The following NOS3 variants were observed in gnomAD, a reference collection of about 807,000 sequenced individuals.
NOS3 encodes NOS type III.
Under a neutral mutation model 144.9 loss-of-function variants are expected in NOS3, and 98 were observed. That is an observed-to-expected ratio of 0.68 (90% confidence interval 0.57 to 0.80). The LOEUF (loss-of-function observed/expected upper bound fraction) is 0.80, where lower values mean the gene tolerates loss of function less well. NOS3 is among the 30% of genes least tolerant of loss of function. The probability of loss-of-function intolerance (pLI) is 0.00; values close to 1 mark genes in which losing one functional copy is unlikely to be tolerated. For missense variants in NOS3, 1,465 were observed against 1,656.4 expected (o/e 0.88, Z 2.01); for synonymous variants, 714 against 702.4 (o/e 1.02, Z -0.26).
Position 151,001,854 on chromosome 7 carries a change from G to C in NOS3, c.1536G>C (p.Thr512=). 1.9e-6 allele frequency: 3 copies of C among 1,613,574 alleles called. No individual in the cohort carries two copies. The highest frequency in any genetic ancestry group is 2.5e-6 in the Non-Finnish European group (3 of 1,179,990). ...AVKISASLMG[T]VMAKRVKATI... is the part of the protein sequence containing the mutation. The stretch of plus-strand genomic sequence containing the variant: ...AGATCTCCGCCTCGCTCATGGGCAC[G>C]GTGATGGCGAAGCGAGTGAAGGCGA... The change falls in exon 13 of 27, where the codon ACG becomes ACC. Residue 512 remains threonine (T), a synonymous_variant. Transcript: ENST00000297494.
rs765451188 is a variant in NOS3 at position 150,998,909 on chromosome 7, C to T, written c.817-37C>T. 2.0e-5 allele frequency: 32 copies of T among 1,590,676 alleles called. No homozygotes were observed. The highest frequency in any genetic ancestry group is 2.6e-5 in the Non-Finnish European group (30 of 1,169,880). ...AGGGGTCCCTGAGGAGGGCATGAGGCTCAGCCCCAGAACCCCCTCTGGCCC... is the reference window on the plus strand; with the variant it reads ...AGGGGTCCCTGAGGAGGGCATGAGGTTCAGCCCCAGAACCCCCTCTGGCCC... On this transcript the variant is annotated intron_variant, in intron 7 of 26. Coordinates refer to ENST00000297494, the MANE Select transcript of NOS3 (RefSeq NM_000603.5). The surrounding 1 kb of genome is among the most constrained non-coding windows in gnomAD (Gnocchi z 5.0).
chr7:151,000,348 C>G, intron 9 of NOS3, 150 bp from the exon 10 acceptor site: 1 of 618,992 alleles, frequency 1.6e-6, no homozygotes, highest in Non-Finnish European at 2.9e-6. Flanking sequence ...CAGGCAAAAA[C>G]CTGAACCAGC....
In NOS3 at chr7:151,012,486, C is replaced by T. The variant is rs1266135893; in HGVS notation, c.3106+14C>T. On this transcript the variant is annotated intron_variant, in intron 24 of 26. Coordinates refer to ENST00000297494, the MANE Select transcript of NOS3 (RefSeq NM_000603.5). ...TTGAGAGCAAAGGTGAGGCTGGGGA[C>T]TAAAGGACTGCCTGAAGGGAGTCAC... 1 of 1,609,010 alleles carries T rather than the reference C, an allele frequency of 6.2e-7. No individual in the cohort carries two copies. The highest frequency in any genetic ancestry group is 8.5e-7 in the Non-Finnish European group (1 of 1,177,140).
At chr7:151,001,746 A>AG in intron 12 of NOS3, 75 bp from the exon 13 acceptor site, 1 of 1,595,158 alleles carries the variant, frequency 6.3e-7, no homozygotes, top group Non-Finnish European at 8.6e-7. Flanking sequence ...CCCTGTTGTG[A>AG]GGGGGTTGGA....
chr7:150,999,583 T>G (rs1795028508), intron 9 of NOS3, among the ~76,000 whole-genome samples: 1 of 149,286 alleles, frequency 6.7e-6, no homozygotes, highest in Admixed American at 6.6e-5. Flanking sequence ...TGTGAGAGTG[T>G]GGGTTTCTGG....
rs189463742 is a variant in NOS3 at position 150,993,411 on chromosome 7, G to A, written c.-51-342G>A. Among the ~76,000 whole-genome samples the A allele has an allele frequency of 1.3e-5, 2 of 152,178 alleles. No individual in the cohort carries two copies. The highest frequency in any genetic ancestry group is 2.9e-5 in the Non-Finnish European group (2 of 68,012). On this transcript the variant is annotated intron_variant, in intron 1 of 26. Transcript: ENST00000297494. This position sits in a 1 kb window ranked among gnomAD's most constrained non-coding sequence, Gnocchi z 4.0. ...ACCCTCCAGGGAAAGGCACACAGGG[G>A]TGAGGCCGAAGGCCCTTCCGTCTGG... is the stretch of plus-strand genomic sequence containing the variant.
Position 150,999,297 on chromosome 7 carries a change from G to T in NOS3, c.1064G>T (p.Gly355Val). 1.2e-6 allele frequency: 2 copies of T among 1,611,608 alleles called. No individual in the cohort carries two copies. Among genetic ancestry groups the T allele is most frequent in the Non-Finnish European group, 1.7e-6 (2 of 1,179,460 alleles). Residue 355 changes from glycine (G) to valine (V), a missense_variant, in exon 9 of 27, where the codon GGC becomes GTC. By Grantham distance (109) the Gly-to-Val change is moderately radical. Around this residue, in one of 5 missense-constraint regions of NOS3, gnomAD observed 745 missense variants for 853.9 expected, o/e 0.87. Coordinates refer to ENST00000297494, the MANE Select transcript of NOS3 (RefSeq NM_000603.5). ...GLEFPAAPFS[G>V]WYMSTEIGTR... ...GAGTTCCCCGCAGCCCCCTTCAGTG[G>T]CTGGTACATGAGCACTGAGATCGGC...
In NOS3 at chr7:150,993,925, C is replaced by A. The variant is rs867562196; in HGVS notation, c.122C>A (p.Ala41Asp). Reference protein sequence around the residue: ...PATPAPEPSRAPASLLPPAPE... With the variant: ...PATPAPEPSRDPASLLPPAPE... ...ACCCCGGCCCCTGAGCCCAGCCGGG[C>A]CCCAGCATCCCTACTCCCACCAGCG... Residue 41 changes from alanine (A) to aspartate (D), a missense_variant, in exon 2 of 27, where the codon GCC (alanine) becomes GAC (aspartate). By Grantham distance (126) the Ala-to-Asp change is moderately radical. This residue lies in a region of NOS3 where 374 missense variants were observed against 377.0 expected (regional missense o/e 0.99). Coordinates refer to ENST00000297494, the MANE Select transcript of NOS3 (RefSeq NM_000603.5). The surrounding 1 kb of genome is among the most constrained non-coding windows in gnomAD (Gnocchi z 4.0). 1.3e-6 allele frequency: 2 copies of A among 1,578,020 alleles called. No homozygotes were observed. Among genetic ancestry groups the A allele is most frequent in the Admixed American group, 1.8e-5 (1 of 55,000 alleles).
chr7:150,996,452 C>T lies in NOS3; in HGVS notation c.319C>T (p.Arg107Trp), dbSNP rs767525655. The change falls in exon 4 of 27, where the codon CGG (arginine) becomes TGG (tryptophan). Residue 107 changes from arginine to tryptophan, a missense_variant. Coordinates refer to ENST00000297494, the MANE Select transcript of NOS3 (RefSeq NM_000603.5). The part of the protein sequence containing the change: ...RRCLGSLVFP[R>W]KLQGRPSPGP... Reference sequence around the variant, plus strand: ...CTGCCTGGGCTCCCTGGTATTTCCACGGAAACTACAGGGCCGGCCCTCCCC... The same window carrying T: ...CTGCCTGGGCTCCCTGGTATTTCCATGGAAACTACAGGGCCGGCCCTCCCC... The T allele has an allele frequency of 2.0e-5, 31 of 1,572,898 alleles. No individual in the cohort carries two copies. In the Admixed American group the frequency reaches 2.8e-4, roughly 14 times the overall value.
In NOS3 at chr7:150,995,310, A is replaced by T. The variant is rs375304782; in HGVS notation, c.266A>T (p.Gln89Leu). 6.2e-7 allele frequency: 1 copy of T among 1,607,994 alleles called. No individual in the cohort carries two copies. Among genetic ancestry groups the T allele is most frequent in the South Asian group, 1.1e-5 (1 of 90,912 alleles). ...TATGACACCCTCAGCGCCCAGGCGC[A>T]GCAGGTAAGGCCGGCATGCCCTGTC... ...ITYDTLSAQA[Q>L]QDGPCTPRRC... The change falls in exon 3 of 27, where the codon CAG becomes CTG. Residue 89 changes from glutamine to leucine, a missense_variant. Gln to Leu is a moderately radical substitution (Grantham distance 113). This residue lies in a region of NOS3 where 374 missense variants were observed against 377.0 expected (regional missense o/e 0.99). Transcript: ENST00000297494.
At position 151,003,893 on chromosome 7, in the gene NOS3, G is replaced by C; in HGVS notation, c.1752+1589G>C. 1 of 366,228 alleles carries C rather than the reference G, an allele frequency of 2.7e-6. No homozygotes were observed. Among genetic ancestry groups the C allele is most frequent in the South Asian group, 2.0e-5 (1 of 49,380 alleles). 22.7% of individuals were successfully genotyped at this position (366,228 alleles called of 1,614,324 possible). ...GTTGGTGACACTTGGGCTGTTTCCA[G>C]GTCGGGGCTATTATGAATAAACCTG... is the stretch of plus-strand genomic sequence containing the variant. On this transcript the variant is annotated intron_variant, in intron 14 of 26. Coordinates refer to ENST00000297494, the MANE Select transcript of NOS3 (RefSeq NM_000603.5). The surrounding 1 kb of genome is among the most constrained non-coding windows in gnomAD (Gnocchi z 4.1).
rs767503551 is a variant in NOS3 at position 150,996,750 on chromosome 7, CT to C, written c.420-12del. ...CTTCCTGCTTGTCCCCTTCCCACCC[CT>C]CTCCTCCCCAGGAGCGGCTCCCAGG... On this transcript the variant is annotated splice_polypyrimidine_tract_variant and intron_variant, in intron 4 of 26. Transcript: ENST00000297494. 47 of 1,611,164 alleles carry C rather than the reference CT, an allele frequency of 2.9e-5. No individual in the cohort carries two copies. Among genetic ancestry groups the C allele is most frequent in the Non-Finnish European group, 3.6e-5 (43 of 1,179,450 alleles).
In NOS3 at chr7:151,002,099, C is replaced by A; in HGVS notation, c.1648-101C>A. ...CCCGGAACCACAGGTGTTCAGAGAT[C>A]AAGTTGGGGCCTGAATCTTGCACTG... On this transcript the variant is annotated intron_variant, in intron 13 of 26. Transcript: ENST00000297494. This position sits in a 1 kb window ranked among gnomAD's most constrained non-coding sequence, Gnocchi z 4.1. 1.4e-6 allele frequency: 2 copies of A among 1,415,320 alleles called. No individual in the cohort carries two copies. The highest frequency in any genetic ancestry group is 1.4e-5 in the African/African-American group (1 of 70,364). 87.7% of individuals were successfully genotyped at this position (1,415,320 alleles called of 1,614,324 possible). A position where few individuals can be genotyped will look rare whatever the true frequency, so the allele number is the denominator to read the frequency against.
At position 151,013,946 on chromosome 7, in the gene NOS3, G is replaced by A. The variant is rs200886969; in HGVS notation, c.3450+28G>A. 5.6e-6 allele frequency: 9 copies of A among 1,601,772 alleles called. No individual in the cohort carries two copies. In the East Asian group the frequency reaches 6.8e-5, roughly 12 times the overall value. On this transcript the variant is annotated intron_variant, in intron 26 of 26. Transcript: ENST00000297494. ...GCGGAGGGGCGGGCCGGGCCTGAGC[G>A]TGCGGGGTTCCTGCTAAGGTCTCCG...
Position 150,993,834 on chromosome 7 carries a change from C to T in NOS3, c.31C>T (p.Pro11Ser), listed in dbSNP as rs141170595. The change falls in exon 2 of 27, where the codon CCT (proline) becomes TCT (serine). Residue 11 changes from proline to serine, a missense_variant. Coordinates refer to ENST00000297494, the MANE Select transcript of NOS3 (RefSeq NM_000603.5). This position sits in a 1 kb window ranked among gnomAD's most constrained non-coding sequence, Gnocchi z 4.0. The stretch of plus-strand genomic sequence containing the variant: ...CAACTTGAAGAGCGTGGCCCAGGAG[C>T]CTGGGCCACCCTGCGGCCTGGGGCT... MGNLKSVAQE[P>S]GPPCGLGLGL... The T allele has an allele frequency of 3.1e-6, 5 of 1,600,248 alleles. No homozygotes were observed. Among genetic ancestry groups the T allele is most frequent in the African/African-American group, 2.7e-5 (2 of 73,872 alleles).
In NOS3 at chr7:150,998,645, G is replaced by C; in HGVS notation, c.781G>C (p.Val261Leu). The part of the protein sequence containing the change: ...YAGYRQQDGS[V>L]RGDPANVEIT... Reference sequence around the variant, plus strand: ...GGGCTACCGGCAGCAGGATGGCTCTGTGCGGGGGGACCCAGCCAACGTGGA... The same window carrying C: ...GGGCTACCGGCAGCAGGATGGCTCTCTGCGGGGGGACCCAGCCAACGTGGA... The change falls in exon 7 of 27, where the codon GTG becomes CTG. Residue 261 changes from valine to leucine, a missense_variant. Physicochemically the swap from Val to Leu is conservative, Grantham distance 32 (BLOSUM62 1). Transcript: ENST00000297494. The surrounding 1 kb of genome is among the most constrained non-coding windows in gnomAD (Gnocchi z 5.0). The C allele has an allele frequency of 6.2e-7, 1 of 1,608,420 alleles. No individual in the cohort carries two copies. Among genetic ancestry groups the C allele is most frequent in the Non-Finnish European group, 8.5e-7 (1 of 1,178,738 alleles).
intron 8 of NOS3, 33 bp from the exon 9 acceptor site, chr7:150,999,157 G>A (rs760841080): frequency 5.6e-6 from 9 of 1,610,582 alleles, no homozygotes; most frequent in African/African-American, 5.3e-5. Flanking sequence ...GGGCCTGCAA[G>A]GGGGTGCTGA....
Position 151,009,456 on chromosome 7 carries a change from C to T in NOS3, c.2383C>T (p.Pro795Ser). ...AGGCCAGGAGGGGCTGCAGTACCAGCCGGGGGACCACATAGGTGTCTGCCC... is the reference window on the plus strand; with the variant it reads ...AGGCCAGGAGGGGCTGCAGTACCAGTCGGGGGACCACATAGGTGTCTGCCC... ...TGGQEGLQYQ[P>S]GDHIGVCPPN... The change falls in exon 20 of 27, where the codon CCG (proline) becomes TCG (serine). Residue 795 changes from proline (P) to serine (S), a missense_variant. Pro to Ser is a moderately conservative substitution (Grantham distance 74). This residue lies in a region of NOS3 where 745 missense variants were observed against 853.9 expected (regional missense o/e 0.87). Coordinates refer to ENST00000297494, the MANE Select transcript of NOS3 (RefSeq NM_000603.5). 6.5e-7 allele frequency: 1 copy of T among 1,549,036 alleles called. No individual in the cohort carries two copies. The highest frequency in any genetic ancestry group is 8.7e-7 in the Non-Finnish European group (1 of 1,146,728).
rs33958766 is a variant in NOS3 at position 151,002,453 on chromosome 7, C to CAT, written c.1752+149_1752+150insAT. Reference sequence around the variant, plus strand: ...ACACACACACACACACACACACACACGCCAGGATGGAAAGGGAGATGCTAA... The same window carrying CAT: ...ACACACACACACACACACACACACACATGCCAGGATGGAAAGGGAGATGCTAA... On this transcript the variant is annotated intron_variant, in intron 14 of 26. Coordinates refer to ENST00000297494, the MANE Select transcript of NOS3 (RefSeq NM_000603.5). This position sits in a 1 kb window ranked among gnomAD's most constrained non-coding sequence, Gnocchi z 4.1. 6.3e-5 allele frequency: 31 copies of CAT among 495,148 alleles called. No homozygotes were observed. Among genetic ancestry groups the CAT allele is most frequent in the Non-Finnish European group, 1.0e-4 (28 of 276,880 alleles). 30.7% of individuals were successfully genotyped at this position (495,148 alleles called of 1,614,324 possible).
Sources: allele counts gnomAD v4.1 joint callset (sites outside exome capture counted in the v4.1 genomes callset), GRCh38; gene constraint gnomAD v4.1.1; regional missense constraint gnomAD v4.1.1; non-coding constraint Gnocchi (gnomAD v3.1); transcripts MANE v1.5; gene names NCBI Gene and HGNC (gene_info 2026-07-23, HGNC 2026-07-21).